The following IL33 variants were observed in gnomAD, a reference collection of about 807,000 sequenced individuals.
IL33 encodes the protein interleukin 33.
A neutral mutation model predicts 27.3 loss-of-function variants in IL33; 37 were observed. That is an observed-to-expected ratio of 1.36 (90% CI 1.04 to 1.78). The LOEUF (loss-of-function observed/expected upper bound fraction) is 1.78, where lower values mean the gene tolerates loss of function less well. Ranked by LOEUF, IL33 falls within the 40% of genes most tolerant of loss-of-function variation. The probability of loss-of-function intolerance (pLI) is 0.00; values close to 1 mark genes in which losing one functional copy is unlikely to be tolerated. For synonymous variants in IL33, 132 were observed against 102.9 expected (o/e 1.28, Z -1.71); for missense variants, 406 against 311.4 (o/e 1.30, Z -2.29).
chr9:6,250,576 C>T lies in IL33; in HGVS notation c.194C>T (p.Thr65Ile), dbSNP rs778113447. 3 of 1,613,790 alleles carry T rather than the reference C, an allele frequency of 1.9e-6. No homozygotes were observed. In the South Asian group the frequency reaches 3.3e-5, roughly 18 times the overall value. Residue 65 changes from threonine to isoleucine, a missense_variant, in exon 3 of 8, where the codon ACC (threonine) becomes ATC (isoleucine). Transcript: ENST00000682010. ...GCCTGTTACTTTAGGAGAGAAACCACCAAAAGGCCTTCACTGAAAACAGGT... is the reference window on the plus strand; with the variant it reads ...GCCTGTTACTTTAGGAGAGAAACCATCAAAAGGCCTTCACTGAAAACAGGT... ...KEACYFRRET[T>I]KRPSLKTGRK... is the part of the protein sequence containing the mutation.
chr9:6,229,874 G>A (rs970992615), intron 1 of IL33, among the ~76,000 whole-genome samples: 2 of 152,070 alleles, frequency 1.3e-5, no homozygotes, highest in East Asian at 1.9e-4. Context: ...CAATAAAGTC[G>A]GCTTGATTGT....
At chr9:6,252,841 C>A (rs1224382222) in intron 4 of IL33, 25 bp from the exon 5 acceptor site, 2 of 1,590,834 alleles carry the variant, frequency 1.3e-6, no homozygotes, top group South Asian at 1.2e-5. Context: ...TTGTGCCTGA[C>A]AAATTTTTGA....
intron 1 of IL33, among the ~76,000 whole-genome samples, chr9:6,220,824 A>G (rs948327970): frequency 2.6e-5 from 4 of 152,178 alleles, no homozygotes; most frequent in South Asian, 4.2e-4. Context: ...CTCGATCACA[A>G]CTCACTGCAG....
intron 1 of IL33, among the ~76,000 whole-genome samples, chr9:6,225,083 G>C (rs1818570814): frequency 6.6e-6 from 1 of 152,062 alleles, no homozygotes; most frequent in Non-Finnish European, 1.5e-5. Context: ...CCATGACTGA[G>C]ATTTAATCAC....
chr9:6,218,899 C>CATAT (rs200982905), intron 1 of IL33, among the ~76,000 whole-genome samples: 4 of 22,678 alleles, frequency 1.8e-4, no homozygotes, highest in South Asian at 2.2e-3. Flanking sequence ...ATATGTTCTC[C>CATAT]ATATATATAT....
intron 2 of IL33, among the ~76,000 whole-genome samples, chr9:6,243,517 CT>C (rs1313585952): frequency 6.6e-6 from 1 of 152,098 alleles, no homozygotes; most frequent in African/African-American, 2.4e-5. Flanking sequence ...CCATACCTGG[CT>C]AATTTTTTGT....
chr9:6,231,718 T>C (rs1016925702), intron 1 of IL33, among the ~76,000 whole-genome samples: 1 of 152,198 alleles, frequency 6.6e-6, no homozygotes, highest in Non-Finnish European at 1.5e-5. Context: ...TTTTATTTAT[T>C]AATGTTTTTA....
chr9:6,220,121 C>G (rs555304046), intron 1 of IL33, among the ~76,000 whole-genome samples: 21 of 152,264 alleles, frequency 1.4e-4, no homozygotes, highest in African/African-American at 5.1e-4. Context: ...TTCCTGCCAG[C>G]CATTGTTCTC....
chr9:6,225,369 G>T (rs1339847748), intron 1 of IL33, among the ~76,000 whole-genome samples: 2 of 152,170 alleles, frequency 1.3e-5, no homozygotes, highest in African/African-American at 4.8e-5. Flanking sequence ...AATGGCAGCA[G>T]GATAGAGGGA....
chr9:6,238,224 T>A (rs1232895427), intron 1 of IL33, among the ~76,000 whole-genome samples: 1 of 152,216 alleles, frequency 6.6e-6, no homozygotes, highest in East Asian at 1.9e-4. Flanking sequence ...GGTGAGGCAC[T>A]TAATCTTCAG....
In IL33 at chr9:6,254,549, T is replaced by C. The variant is rs1410312598; in HGVS notation, c.608T>C (p.Val203Ala). The C allele has an allele frequency of 6.4e-7, 1 of 1,567,372 alleles. No individual in the cohort carries two copies. Among genetic ancestry groups the C allele is most frequent in the East Asian group, 2.2e-5 (1 of 44,470 alleles). The change falls in exon 7 of 8, where the codon GTG (valine) becomes GCG (alanine). Residue 203 changes from valine to alanine, a missense_variant. Physicochemically the swap from Val to Ala is moderately conservative, Grantham distance 64. Transcript: ENST00000682010. ...WLHANNKEHS[V>A]ELHKCEKPLP... ...CATGCCAACAACAAGGAACACTCTG[T>C]GGAGGTAAAAAAAAAAAATTTATCT...
At chr9:6,223,383 T>A (rs577121257) in intron 1 of IL33, among the ~76,000 whole-genome samples, 44 of 152,054 alleles carry the variant, frequency 2.9e-4, no homozygotes, top group African/African-American at 6.3e-4. Context: ...CTTTTTTTTT[T>A]AAAAGAGTAC....
rs773279663 is a variant in IL33 at position 6,251,286 on chromosome 9, G to A, written c.343+21G>A. ...CACAGGTATGACTGGTTACAGGGGT[G>A]ATGTGGGAGTGAGGAGGGAGGTATG... is the stretch of plus-strand genomic sequence containing the variant. On this transcript the variant is annotated intron_variant, in intron 4 of 7. Transcript: ENST00000682010. 3 of 1,611,472 alleles carry A rather than the reference G, an allele frequency of 1.9e-6. No homozygotes were observed. The Admixed American group carries it at 5.0e-5, about 27-fold the overall frequency.
intron 1 of IL33, among the ~76,000 whole-genome samples, chr9:6,223,840 C>CA (rs952669532): frequency 1.3e-5 from 2 of 152,142 alleles, no homozygotes; most frequent in South Asian, 2.1e-4. Flanking sequence ...GAGTTGGTGT[C>CA]AAAAATCAAG....
At chr9:6,238,931 C>T (rs1453190341) in intron 1 of IL33, among the ~76,000 whole-genome samples, 1 of 152,116 alleles carries the variant, frequency 6.6e-6, no homozygotes, top group Non-Finnish European at 1.5e-5. Context: ...CATATTTTTT[C>T]AGTACGATAC....
intron 1 of IL33, among the ~76,000 whole-genome samples, chr9:6,237,711 C>T (rs1482472214): frequency 1.3e-5 from 2 of 152,098 alleles, no homozygotes; most frequent in African/African-American, 4.8e-5. Context: ...TGGAACATTT[C>T]CCATATTTAT....
chr9:6,251,779 C>T lies in IL33; in HGVS notation c.343+514C>T, dbSNP rs573893389. 4.6e-5 allele frequency among the ~76,000 whole-genome samples: 7 copies of T among 151,600 alleles called. No individual in the cohort carries two copies. The East Asian group carries it at 1.4e-3, about 29-fold the overall frequency. On this transcript the variant is annotated intron_variant, in intron 4 of 7. Transcript: ENST00000682010. ...ACTTGGCCAGGTGTGGTGGCTCACACCTGTAATCCCAGCACTTTGGGAGGC... is the reference window on the plus strand; with the variant it reads ...ACTTGGCCAGGTGTGGTGGCTCACATCTGTAATCCCAGCACTTTGGGAGGC...
intron 1 of IL33, among the ~76,000 whole-genome samples, chr9:6,223,666 G>A (rs1185054492): frequency 1.3e-5 from 2 of 152,054 alleles, no homozygotes; most frequent in African/African-American, 2.4e-5. Context: ...TTCTTTAAAG[G>A]ATTTAGAAAA....
In IL33 at chr9:6,256,207, T is replaced by C; in HGVS notation, c.*39T>C. 1 of 1,397,178 alleles carries C rather than the reference T, an allele frequency of 7.2e-7. No homozygotes were observed. 86.5% of individuals were successfully genotyped at this position (1,397,178 alleles called of 1,614,324 possible). A position where few individuals can be genotyped will look rare whatever the true frequency, so the allele number is the denominator to read the frequency against. On this transcript the variant is annotated 3_prime_UTR_variant, in exon 8 of 8. Coordinates refer to ENST00000682010, the MANE Select transcript of IL33 (RefSeq NM_033439.4). ...GTGAGTCTTGGGTTGAGTACCCAAA[T>C]GCTACCACTGGAGAAGGAATGAGAG...
Sources: allele counts gnomAD v4.1 joint callset (sites outside exome capture counted in the v4.1 genomes callset), GRCh38; gene constraint gnomAD v4.1.1; transcripts MANE v1.5; gene names NCBI Gene and HGNC (gene_info 2026-07-23, HGNC 2026-07-21).